Variants in GPATCH3 observed in about 807,000 individuals in gnomAD.
GPATCH3 encodes G patch domain-containing protein 3.
In GPATCH3, 45 loss-of-function variants were observed where a neutral mutation model predicts 53.2. The ratio of observed to expected loss-of-function variants is 0.85; its 90% confidence interval spans 0.67 to 1.08. The LOEUF is 1.08. Ranked by LOEUF, GPATCH3 falls within the 50% of genes least tolerant of loss-of-function variation. The probability of loss-of-function intolerance (pLI) is 0.00; values close to 1 mark genes in which losing one functional copy is unlikely to be tolerated. For synonymous variants in GPATCH3, 280 were observed against 270.6 expected (o/e 1.03, Z -0.34); for missense variants, 680 against 687.2 (o/e 0.99, Z 0.12).
chr1:26,894,810 A>C (rs1035542641), intron 2 of GPATCH3, among the ~76,000 whole-genome samples: 2 of 152,224 alleles, frequency 1.3e-5, no homozygotes, highest in African/African-American at 4.8e-5. Flanking sequence ...CACACTGGTT[A>C]GGCCTTTTTA....
chr1:26,899,068 C>A (rs1242791667), intron 1 of GPATCH3, among the ~76,000 whole-genome samples: 1 of 152,230 alleles, frequency 6.6e-6, no homozygotes, highest in Non-Finnish European at 1.5e-5. Flanking sequence ...CCATTCTCTC[C>A]TATTAACTCC....
chr1:26,893,574 G>C (rs1356111417), intron 3 of GPATCH3, 126 bp from the exon 4 acceptor site: 3 of 666,966 alleles, frequency 4.5e-6, no homozygotes, highest in Non-Finnish European at 7.6e-6. Flanking sequence ...ATTCTGGAGT[G>C]CAGTGGCATG....
chr1:26,893,012 G>A (rs1332954000), intron 4 of GPATCH3: 1 of 590,780 alleles, frequency 1.7e-6, no homozygotes, highest in Non-Finnish European at 3.0e-6. Context: ...ACAAATGACA[G>A]AGAGAGGATT....
chr1:26,899,878 T>C (rs1036040046), intron 1 of GPATCH3, 114 bp downstream of exon 1: 13 of 895,932 alleles, frequency 1.5e-5, no homozygotes, highest in African/African-American at 5.0e-5. Flanking sequence ...GTCTAGAATA[T>C]GAACTAAACT....
intron 1 of GPATCH3, among the ~76,000 whole-genome samples, chr1:26,899,464 A>T (rs2081965152): frequency 6.6e-6 from 1 of 152,240 alleles, no homozygotes; most frequent in Non-Finnish European, 1.5e-5. Context: ...TTCTGAGCAC[A>T]CACTATGTCC....
rs771244419 is a variant in GPATCH3 at position 26,900,238 on chromosome 1, T to C, written c.205A>G (p.Thr69Ala). The change falls in exon 1 of 7, where the codon ACC becomes GCC. Residue 69 changes from threonine to alanine, a missense_variant. Thr to Ala is a moderately conservative substitution (Grantham distance 58). Transcript: ENST00000361720. The stretch of plus-strand genomic sequence containing the variant: ...AGCTGGCCCTCAGCGGCTGGGTCGG[T>C]AGGAATTAGGGCAGAGTTAGGAGCG... ...QAAPNSALIP[T>A]DPAAEGQLLS... is the part of the protein sequence containing the mutation. The C allele has an allele frequency of 1.9e-6, 3 of 1,613,476 alleles. No individual in the cohort carries two copies. Among genetic ancestry groups the C allele is most frequent in the African/African-American group, 2.7e-5 (2 of 74,668 alleles).
chr1:26,900,112 AC>A lies in GPATCH3; in HGVS notation c.330del (p.Leu111TrpfsTer68). The A allele has an allele frequency of 6.2e-7, 1 of 1,613,928 alleles. No homozygotes were observed. The highest frequency in any genetic ancestry group is 8.5e-7 in the Non-Finnish European group (1 of 1,179,994). On this transcript the variant is annotated frameshift_variant, in exon 1 of 7. Transcript: ENST00000361720. LOFTEE classifies it high-confidence loss of function. ...RTCCCVISVR[G>X]LAQAQRLIRM... The stretch of plus-strand genomic sequence containing the variant: ...CGAATAAGCCTCTGAGCTTGAGCCA[AC>A]CCCCTTACCGAGATGACGCAGCAGC...
intron 2 of GPATCH3, 25 bp from the exon 3 acceptor site, chr1:26,894,435 G>T (rs1440318910): frequency 1.2e-6 from 2 of 1,611,056 alleles, no homozygotes; most frequent in East Asian, 2.2e-5. Context: ...GAGGTGATTT[G>T]CCTGAGCTTC....
chr1:26,892,573 G>A (rs2081932810), intron 5 of GPATCH3, 35 bp from the exon 6 acceptor site: 1 of 1,606,032 alleles, frequency 6.2e-7, no homozygotes. Flanking sequence ...AAGAAATGGG[G>A]CTCCTGCTGG....
At position 26,900,106 on chromosome 1, in the gene GPATCH3, G is replaced by C. The variant is rs1342717048; in HGVS notation, c.337C>G (p.Gln113Glu). 6.2e-7 allele frequency: 1 copy of C among 1,614,194 alleles called. No homozygotes were observed. Among genetic ancestry groups the C allele is most frequent in the Non-Finnish European group, 8.5e-7 (1 of 1,180,040 alleles). The change falls in exon 1 of 7, where the codon CAA becomes GAA. Residue 113 changes from glutamine (Q) to glutamate (E), a missense_variant. Transcript: ENST00000361720. The part of the protein sequence containing the change: ...CCVISVRGLA[Q>E]AQRLIRMYSG... ...TACATGCGAATAAGCCTCTGAGCTT[G>C]AGCCAACCCCCTTACCGAGATGACG...
In GPATCH3 at chr1:26,890,515, G is replaced by C. The variant is rs113993143; in HGVS notation, c.*495C>G. On this transcript the variant is annotated 3_prime_UTR_variant, in exon 7 of 7. Transcript: ENST00000361720. ...CAGTAGTAAACGTCTTTATTCTTCC[G>C]TGACGTCGCACACCCAAGCCACCTC... The C allele has an allele frequency of 8.1e-5, 23 of 283,720 alleles. 1 individual carries two copies. In the Middle Eastern group the frequency reaches 3.9e-3, roughly 48 times the overall value. The allele number at this position is 283,720 out of a possible 1,614,324, so 17.6% of individuals were successfully genotyped here. A position where few individuals can be genotyped will look rare whatever the true frequency, so the allele number is the denominator to read the frequency against.
At chr1:26,891,286 G>T in intron 6 of GPATCH3, 60 bp from the exon 7 acceptor site, 1 of 1,321,472 alleles carries the variant, frequency 7.6e-7, no homozygotes, top group Non-Finnish European at 1.1e-6. Flanking sequence ...AAAGGGGTTG[G>T]GAGAGGACGG....
rs764654176 is a variant in GPATCH3 at position 26,893,398 on chromosome 1, A to G, written c.1102T>C (p.Tyr368His). Residue 368 changes from tyrosine to histidine, a missense_variant, in exon 4 of 7, where the codon TAT (tyrosine) becomes CAT (histidine). Physicochemically the swap from Tyr to His is moderately conservative, Grantham distance 83. Coordinates refer to ENST00000361720, the MANE Select transcript of GPATCH3 (RefSeq NM_022078.3). ...DDWDVDMSVY[Y>H]DRDGGDKDAR... ...ACTCCTTGCCCAGTACCTCTGTCATAGTACACACTCATGTCCACATCCCAG... is the reference window on the plus strand; with the variant it reads ...ACTCCTTGCCCAGTACCTCTGTCATGGTACACACTCATGTCCACATCCCAG... 1.2e-6 allele frequency: 2 copies of G among 1,613,130 alleles called. No individual in the cohort carries two copies. Among genetic ancestry groups the G allele is most frequent in the South Asian group, 2.2e-5 (2 of 91,064 alleles).
chr1:26,891,918 A>G (rs1215354996), intron 6 of GPATCH3, among the ~76,000 whole-genome samples: 1 of 152,172 alleles, frequency 6.6e-6, no homozygotes, highest in East Asian at 1.9e-4. Flanking sequence ...CATCTTGATC[A>G]GGCTGGTCTG....
chr1:26,896,413 C>G (rs2081950809), intron 2 of GPATCH3, among the ~76,000 whole-genome samples: 1 of 151,524 alleles, frequency 6.6e-6, no homozygotes, highest in African/African-American at 2.4e-5. Flanking sequence ...AAAAATGGGC[C>G]TGGCGCAGTG....
intron 1 of GPATCH3, among the ~76,000 whole-genome samples, chr1:26,899,355 A>T (rs1456565483): frequency 6.6e-6 from 1 of 152,262 alleles, no homozygotes. Flanking sequence ...CAAAAGGCTT[A>T]GAACAGCGCC....
chr1:26,895,515 G>A lies in GPATCH3; in HGVS notation c.877-1105C>T, dbSNP rs145519728. Among the ~76,000 whole-genome samples the A allele has an allele frequency of 3.8e-3, 498 of 129,660 alleles. 2 individuals are homozygous for A. The highest frequency in any genetic ancestry group is 0.013 in the African/African-American group (443 of 34,606). 85.1% of individuals were successfully genotyped at this position (129,660 alleles called of 152,430 possible). On this transcript the variant is annotated intron_variant, in intron 2 of 6. Coordinates refer to ENST00000361720, the MANE Select transcript of GPATCH3 (RefSeq NM_022078.3). ...TTCCAGCCAGGACAATAGAACCAGAGCCTGCTTAAAAAAAAAAAAAAAAAA... is the reference window on the plus strand; with the variant it reads ...TTCCAGCCAGGACAATAGAACCAGAACCTGCTTAAAAAAAAAAAAAAAAAA...
In GPATCH3 at chr1:26,891,044, C is replaced by G; in HGVS notation, c.1544G>C (p.Ser515Thr). ...RTDMAFVRGS[S>T]CASDSPSLPD ...CAATGAGGGGCTGTCTGAAGCACAACTGGAACCCCTCACAAAGGCCATGTC... is the reference window on the plus strand; with the variant it reads ...CAATGAGGGGCTGTCTGAAGCACAAGTGGAACCCCTCACAAAGGCCATGTC... Residue 515 changes from serine to threonine, a missense_variant, in exon 7 of 7, where the codon AGT becomes ACT. Coordinates refer to ENST00000361720, the MANE Select transcript of GPATCH3 (RefSeq NM_022078.3). 1 of 1,614,178 alleles carries G rather than the reference C, an allele frequency of 6.2e-7. No homozygotes were observed. The highest frequency in any genetic ancestry group is 1.3e-5 in the African/African-American group (1 of 75,046).
rs149699813 is a variant in GPATCH3, at chr1:26,900,116, C to T, written c.327G>A (p.Arg109=). The T allele has an allele frequency of 4.3e-5, 70 of 1,614,078 alleles. No individual in the cohort carries two copies. In the Middle Eastern group the frequency reaches 6.6e-4, roughly 15 times the overall value. Residue 109 remains arginine, a synonymous_variant, in exon 1 of 7, where the codon AGG becomes AGA. Coordinates refer to ENST00000361720, the MANE Select transcript of GPATCH3 (RefSeq NM_022078.3). ...TRTCCCVISV[R]GLAQAQRLIR... ...TAAGCCTCTGAGCTTGAGCCAACCCCCTTACCGAGATGACGCAGCAGCAGG... is the reference window on the plus strand; with the variant it reads ...TAAGCCTCTGAGCTTGAGCCAACCCTCTTACCGAGATGACGCAGCAGCAGG...
Sources: gnomAD v4.1 joint callset for allele counts (sites outside exome capture counted in the v4.1 genomes callset) on GRCh38, gnomAD v4.1.1 for gene constraint, MANE v1.5 for transcripts, NCBI Gene and HGNC (gene_info 2026-07-23, HGNC 2026-07-21) for gene names.